BNC2: variants seen among roughly 807,000 people sequenced by gnomAD.
BNC2 encodes the protein zinc finger protein basonuclin-2.
A neutral mutation model predicts 76.3 loss-of-function variants in BNC2; 20 were observed. The ratio of observed to expected loss-of-function variants is 0.26; its 90% CI spans 0.18 to 0.38. The LOEUF is 0.38. BNC2 is among the 10% of genes least tolerant of loss of function. BNC2 has a pLI of 1.00. For missense variants in BNC2, 1,382 were observed against 1,399.8 expected (o/e 0.99, Z 0.20); for synonymous variants, 582 against 514.8 (o/e 1.13, Z -1.77).
chr9:16,554,877 A>C (rs1044564711), intron 4 of BNC2, among the ~76,000 whole-genome samples: 46 of 152,300 alleles, frequency 3.0e-4, no homozygotes, highest in African/African-American at 1.1e-3. Flanking sequence ...AAATGACACA[A>C]AATCCTGATT....
intron 6 of BNC2, among the ~76,000 whole-genome samples, chr9:16,434,274 A>G (rs556276935): frequency 5.9e-5 from 9 of 152,340 alleles, no homozygotes; most frequent in African/African-American, 1.9e-4. Flanking sequence ...TGATCTCCAA[A>G]TATGAAGACA....
chr9:16,626,705 T>C lies in BNC2; in HGVS notation c.331-43620A>G, dbSNP rs575154720. Among the ~76,000 whole-genome samples, 6 of 152,150 alleles carry C rather than the reference T, an allele frequency of 3.9e-5. 1 individual carries two copies. In the East Asian group the frequency reaches 1.2e-3, roughly 29 times the overall value. ...CACACACACACACACACACACCCTG[T>C]ATTCTCTTTTCTTTCTCCTTTTTTT... On this transcript the variant is annotated intron_variant, in intron 3 of 6. Transcript: ENST00000380672.
At chr9:16,534,008 C>A (rs114246495) in intron 5 of BNC2, among the ~76,000 whole-genome samples, 3,665 of 152,206 alleles carry the variant, frequency 0.024, 161 homozygotes, top group African/African-American at 0.082. Context: ...TCCACGTCTA[C>A]CTAACACTGG....
At chr9:16,707,094 C>T (rs1823698062) in intron 3 of BNC2, among the ~76,000 whole-genome samples, 1 of 151,690 alleles carries the variant, frequency 6.6e-6, no homozygotes, top group Non-Finnish European at 1.5e-5. Flanking sequence ...CCCAGCTAAT[C>T]GGGAGGCTGA....
At chr9:16,469,992 C>CTTTTTTTTTTTTTTT (rs201134930) in intron 5 of BNC2, among the ~76,000 whole-genome samples, 1 of 114,958 alleles carries the variant, frequency 8.7e-6, no homozygotes, top group African/African-American at 3.7e-5. Context: ...TAATGGCATT[C>CTTTTTTTTTTTTTTT]TTTTTTTTTT....
At chr9:16,555,237 A>G (rs1209613040) in intron 4 of BNC2, among the ~76,000 whole-genome samples, 1 of 151,360 alleles carries the variant, frequency 6.6e-6, no homozygotes, top group Non-Finnish European at 1.5e-5. Flanking sequence ...GTTAGCCAGG[A>G]TGGTCTCGAT....
intron 5 of BNC2, among the ~76,000 whole-genome samples, chr9:16,455,896 C>T (rs182295663): frequency 9.6e-4 from 146 of 152,160 alleles, no homozygotes; most frequent in African/African-American, 3.4e-3. Flanking sequence ...TTTGTTATTT[C>T]CAAATCTGTA....
intron 5 of BNC2, among the ~76,000 whole-genome samples, chr9:16,450,219 T>C (rs575325814): frequency 7.9e-5 from 12 of 152,336 alleles, no homozygotes; most frequent in African/African-American, 2.9e-4. Flanking sequence ...CACTGCTGCA[T>C]CACAGTGACC....
chr9:16,467,277 T>C (rs1297662545), intron 5 of BNC2, among the ~76,000 whole-genome samples: 11 of 107,550 alleles, frequency 1.0e-4, no homozygotes, highest in Middle Eastern at 4.4e-3. Context: ...AGTGTGGCGA[T>C]TCCTCAGGGA....
chr9:16,713,274 T>C (rs1258601777), intron 3 of BNC2, among the ~76,000 whole-genome samples: 1 of 152,106 alleles, frequency 6.6e-6, no homozygotes, highest in Non-Finnish European at 1.5e-5. Flanking sequence ...CATAGACCTT[T>C]CAACAAATTG....
intron 1 of BNC2, among the ~76,000 whole-genome samples, chr9:16,809,251 C>T (rs1449792106): frequency 1.3e-5 from 2 of 152,060 alleles, no homozygotes; most frequent in Non-Finnish European, 2.9e-5. Context: ...AAAACAAGCC[C>T]CCTCCTGGAT....
chr9:16,835,122 C>A (rs893386865), intron 1 of BNC2, among the ~76,000 whole-genome samples: 3 of 152,252 alleles, frequency 2.0e-5, no homozygotes, highest in East Asian at 1.9e-4. Context: ...CACTGTCCTT[C>A]CACACAAATA....
intron 1 of BNC2, among the ~76,000 whole-genome samples, chr9:16,798,440 A>T (rs1817706553): frequency 6.6e-6 from 1 of 152,336 alleles, no homozygotes; most frequent in East Asian, 1.9e-4. Flanking sequence ...CCCTAAAGGA[A>T]AATATTATTT....
At chr9:16,698,554 G>T (rs571426056) in intron 3 of BNC2, among the ~76,000 whole-genome samples, 2 of 152,102 alleles carry the variant, frequency 1.3e-5, no homozygotes, top group Admixed American at 6.5e-5. Context: ...TTAGCTGGGC[G>T]TGGTGGCGCA....
chr9:16,614,397 G>A (rs970095176), intron 3 of BNC2, among the ~76,000 whole-genome samples: 16 of 151,026 alleles, frequency 1.1e-4, no homozygotes, highest in Non-Finnish European at 1.5e-5. Context: ...AAGAGAAACA[G>A]ATTCAGTTTA....
chr9:16,488,399 T>G (rs1822209395), intron 5 of BNC2, among the ~76,000 whole-genome samples: 1 of 152,178 alleles, frequency 6.6e-6, no homozygotes, highest in Admixed American at 6.5e-5. Context: ...AGGCCTATAC[T>G]TACACTAATG....
At chr9:16,697,164 G>A (rs567623967) in intron 3 of BNC2, among the ~76,000 whole-genome samples, 28 of 151,280 alleles carry the variant, frequency 1.9e-4, no homozygotes, top group African/African-American at 6.8e-4. Flanking sequence ...TTCGAGACCA[G>A]CCTAGCTAAT....
At position 16,437,378 on chromosome 9, in the gene BNC2, A is replaced by C. The variant is rs535196854; in HGVS notation, c.816T>G (p.Ala272=). The change falls in exon 6 of 7, where the codon GCT becomes GCG. Residue 272 remains alanine, a synonymous_variant. Transcript: ENST00000380672. ...AIQEKEGQAV[A]VPSSKTDSDI... ...CTGAGTCTGTCTTTGAAGATGGTAC[A>C]GCCACGGCCTGCCCTTCTTTCTCCT... 110 of 1,612,736 alleles carry C rather than the reference A, an allele frequency of 6.8e-5. 1 individual carries two copies. The South Asian group carries it at 1.2e-3, about 17-fold the overall frequency.
chr9:16,630,263 C>T (rs559446490), intron 3 of BNC2, among the ~76,000 whole-genome samples: 20 of 152,064 alleles, frequency 1.3e-4, no homozygotes, highest in Non-Finnish European at 2.8e-4. Context: ...ATAAAGAATA[C>T]TAGTCTAAGT....
Sources: gnomAD v4.1 joint callset for allele counts (sites outside exome capture counted in the v4.1 genomes callset) on GRCh38, gnomAD v4.1.1 for gene constraint, MANE v1.5 for transcripts, NCBI Gene and HGNC (gene_info 2026-07-23, HGNC 2026-07-21) for gene names.